The following KIF20B variants were observed in gnomAD, a reference collection of about 807,000 sequenced individuals.
KIF20B encodes the protein kinesin family member 20B, also known as kinesin-like protein KIF20B.
A neutral mutation model predicts 232.5 loss-of-function variants in KIF20B; 188 were observed. That is an observed-to-expected ratio of 0.81 (90% CI 0.72 to 0.91). The LOEUF is 0.91. KIF20B is among the 40% of genes least tolerant of loss of function. The pLI is 0.00. For synonymous variants in KIF20B, 712 were observed against 683.0 expected (o/e 1.04, Z -0.66); for missense variants, 2,154 against 2,055.9 (o/e 1.05, Z -0.92).
intron 21 of KIF20B, among the ~76,000 whole-genome samples, chr10:89,739,346 G>A (rs900348423): frequency 1.3e-5 from 2 of 152,120 alleles, no homozygotes; most frequent in Non-Finnish European, 2.9e-5. Context: ...ATTGCTAAAT[G>A]TAAGTCCTTA....
chr10:89,719,244 CT>C (rs1842997873), intron 12 of KIF20B, among the ~76,000 whole-genome samples, 174 bp from the exon 13 acceptor site: 1 of 152,140 alleles, frequency 6.6e-6, no homozygotes, highest in Non-Finnish European at 1.5e-5. Flanking sequence ...GTGTAAGTAG[CT>C]TTTTTCCTAT....
chr10:89,721,039 G>A (rs1383305185), intron 13 of KIF20B, among the ~76,000 whole-genome samples: 2 of 152,058 alleles, frequency 1.3e-5, no homozygotes, highest in African/African-American at 2.4e-5. Context: ...CCATAACTCC[G>A]TGAGTATAGA....
At position 89,714,081 on chromosome 10, in the gene KIF20B, A is replaced by G; in HGVS notation, c.710A>G (p.Tyr237Cys). The G allele has an allele frequency of 6.9e-7, 1 of 1,448,732 alleles. No homozygotes were observed. The highest frequency in any genetic ancestry group is 1.4e-5 in the South Asian group (1 of 70,308). The allele number at this position is 1,448,732 out of a possible 1,614,324, so 89.7% of individuals were successfully genotyped here. A position where few individuals can be genotyped will look rare whatever the true frequency, so the allele number is the denominator to read the frequency against. ...TVHNDSDDTL[Y>C]GSLTNSLNIS... ...CATAATGATAGTGATGATACTCTTT[A>G]TGGTAAGGTTTCGTTGCTCACTTAT... is the stretch of plus-strand genomic sequence containing the variant. The change falls in exon 7 of 33, where the codon TAT (tyrosine) becomes TGT (cysteine). Residue 237 changes from tyrosine (Y) to cysteine (C), a missense_variant and splice_region_variant. By Grantham distance (194) the Tyr-to-Cys change is radical. Coordinates refer to ENST00000371728, the MANE Select transcript of KIF20B (RefSeq NM_001284259.2).
Position 89,732,966 on chromosome 10 carries a change from G to T in KIF20B, c.2455G>T (p.Val819Leu). Residue 819 changes from valine to leucine, a missense_variant, in exon 19 of 33, where the codon GTA becomes TTA. By Grantham distance (32) the Val-to-Leu change is conservative. Transcript: ENST00000371728. ...NKLICNETVE[V>L]PKDSKSKICS... ...ATTGATTTGTAATGAAACAGTTGAAGTACCTAAGGACAGCAAATCTAAAAT... is the reference window on the plus strand; with the variant it reads ...ATTGATTTGTAATGAAACAGTTGAATTACCTAAGGACAGCAAATCTAAAAT... The T allele has an allele frequency of 6.2e-7, 1 of 1,611,898 alleles. No individual in the cohort carries two copies. The highest frequency in any genetic ancestry group is 8.5e-7 in the Non-Finnish European group (1 of 1,178,388).
intron 14 of KIF20B, among the ~76,000 whole-genome samples, chr10:89,724,316 C>G (rs1468964329): frequency 6.6e-6 from 1 of 151,564 alleles, no homozygotes; most frequent in Non-Finnish European, 1.5e-5. Context: ...CACTGAAGGT[C>G]AGGAGGTCGA....
At chr10:89,733,091 A>G in intron 19 of KIF20B, 35 bp downstream of exon 19, 1 of 1,610,754 alleles carries the variant, frequency 6.2e-7, no homozygotes, top group Non-Finnish European at 8.5e-7. Context: ...GGCGTTTAAG[A>G]AAGCTAATTT....
intron 23 of KIF20B, among the ~76,000 whole-genome samples, chr10:89,751,015 G>T (rs1842009811): frequency 6.6e-6 from 1 of 151,156 alleles, no homozygotes; most frequent in Admixed American, 6.6e-5. Context: ...TAAATCCTAA[G>T]ATTTATGTTC....
At chr10:89,729,041 A>G (rs1377140390) in intron 17 of KIF20B, 87 bp from the exon 18 acceptor site, 2 of 1,145,596 alleles carry the variant, frequency 1.7e-6, no homozygotes, top group Non-Finnish European at 2.3e-6. Context: ...TGAAGGAATT[A>G]TAAAACTGTT....
At chr10:89,764,582 G>A (rs1842314662) in intron 29 of KIF20B, among the ~76,000 whole-genome samples, 2 of 152,178 alleles carry the variant, frequency 1.3e-5, no homozygotes, top group South Asian at 4.2e-4. Flanking sequence ...TTTAATGATG[G>A]CCATTCTAAC....
intron 23 of KIF20B, among the ~76,000 whole-genome samples, chr10:89,747,388 G>A (rs36190073): frequency 0.24 from 36,680 of 151,220 alleles, 4,565 homozygotes; most frequent in African/African-American, 0.29. Flanking sequence ...ATTACTGGGT[G>A]TATACCCAAA....
Position 89,711,209 on chromosome 10 carries a change from T to A in KIF20B, c.675+64T>A, listed in dbSNP as rs1207867652. The stretch of plus-strand genomic sequence containing the variant: ...CTGACTTCTTATAAACCCTTTAGAT[T>A]GTTTCACCATATATTGGAATCTGGT... On this transcript the variant is annotated intron_variant, in intron 6 of 32. Coordinates refer to ENST00000371728, the MANE Select transcript of KIF20B (RefSeq NM_001284259.2). 3 of 994,492 alleles carry A rather than the reference T, an allele frequency of 3.0e-6. No homozygotes were observed. In the African/African-American group the frequency reaches 4.9e-5, roughly 16 times the overall value. The allele number at this position is 994,492 out of a possible 1,614,324, so 61.6% of individuals were successfully genotyped here.
chr10:89,752,724 G>C (rs375233481), intron 25 of KIF20B, 33 bp downstream of exon 25: 2 of 1,423,032 alleles, frequency 1.4e-6, no homozygotes, highest in Non-Finnish European at 1.9e-6. Flanking sequence ...ATGTATGAAT[G>C]TATCTGTCTT....
At chr10:89,706,743 T>A (rs1466801454) in intron 2 of KIF20B, among the ~76,000 whole-genome samples, 1 of 152,130 alleles carries the variant, frequency 6.6e-6, no homozygotes, top group Non-Finnish European at 1.5e-5. Flanking sequence ...GTGGATCTAT[T>A]TCTGGATTTT....
intron 27 of KIF20B, among the ~76,000 whole-genome samples, chr10:89,760,274 G>C (rs1842210879): frequency 6.6e-6 from 1 of 152,116 alleles, no homozygotes; most frequent in Non-Finnish European, 1.5e-5. Flanking sequence ...CAGAACACTT[G>C]GAAGTTGCAA....
rs1345647287 is a variant in KIF20B, at chr10:89,714,965, T to C, written c.723T>C (p.Thr241=). The change falls in exon 8 of 33, where the codon ACT becomes ACC. Residue 241 remains threonine, a synonymous_variant. Transcript: ENST00000371728. Reference sequence around the variant, plus strand: ...TTCTTTTTTTTGTAGGAAGTTTAACTAACTCTTTGAATATCTCAGAGTTTG... The same window carrying C: ...TTCTTTTTTTTGTAGGAAGTTTAACCAACTCTTTGAATATCTCAGAGTTTG... The part of the protein sequence containing the change: ...DSDDTLYGSL[T]NSLNISEFEE... 3 of 1,546,864 alleles carry C rather than the reference T, an allele frequency of 1.9e-6. No individual in the cohort carries two copies. Among genetic ancestry groups the C allele is most frequent in the Non-Finnish European group, 8.8e-7 (1 of 1,139,176 alleles).
chr10:89,759,152 G>A (rs1842190007), intron 27 of KIF20B, among the ~76,000 whole-genome samples: 1 of 151,492 alleles, frequency 6.6e-6, no homozygotes, highest in Non-Finnish European at 1.5e-5. Flanking sequence ...CTTTGGTAGA[G>A]TAATTAGAAA....
chr10:89,764,259 G>A (rs546886243), intron 29 of KIF20B, among the ~76,000 whole-genome samples: 40 of 152,080 alleles, frequency 2.6e-4, no homozygotes, highest in African/African-American at 8.2e-4. Flanking sequence ...GTATTCCATG[G>A]TGTATATGTG....
At chr10:89,766,783 T>C (rs1377109060) in intron 29 of KIF20B, among the ~76,000 whole-genome samples, 1 of 152,060 alleles carries the variant, frequency 6.6e-6, no homozygotes, top group Admixed American at 6.6e-5. Context: ...TTCAGCATAG[T>C]TTTTCTGCTA....
At position 89,705,587 on chromosome 10, in the gene KIF20B, A is replaced by T. The variant is rs896650853; in HGVS notation, c.147+146A>T. 7.7e-6 allele frequency: 5 copies of T among 648,524 alleles called. No homozygotes were observed. The East Asian group carries it at 1.5e-4, about 19-fold the overall frequency. The allele number at this position is 648,524 out of a possible 1,614,324, so 40.2% of individuals were successfully genotyped here. A position where few individuals can be genotyped will look rare whatever the true frequency, so the allele number is the denominator to read the frequency against. On this transcript the variant is annotated intron_variant, in intron 2 of 32. Transcript: ENST00000371728. ...TTATATTTTTAAATAGTGGAAGAAA[A>T]ATCAAAATAGGAATAATGTCACATA... is the stretch of plus-strand genomic sequence containing the variant.
Sources: allele counts gnomAD v4.1 joint callset (sites outside exome capture counted in the v4.1 genomes callset), GRCh38; gene constraint gnomAD v4.1.1; transcripts MANE v1.5; gene names NCBI Gene and HGNC (gene_info 2026-07-23, HGNC 2026-07-21).